The following EXOC4 variants were observed in gnomAD, a reference collection of about 807,000 sequenced individuals.
The protein encoded by EXOC4 is SEC8-like 1.
EXOC4 carries 71 observed loss-of-function variants against 107.2 expected under a neutral mutation model. That is an observed-to-expected ratio of 0.66 (90% confidence interval 0.55 to 0.81). EXOC4 has a LOEUF of 0.81. Among genes scored for constraint, EXOC4 ranks in the 30% least tolerant of loss-of-function variants. The probability of loss-of-function intolerance (pLI) is 0.00; values close to 1 mark genes in which losing one functional copy is unlikely to be tolerated. For missense variants in EXOC4, 1,108 were observed against 1,189.6 expected (o/e 0.93, Z 1.01); for synonymous variants, 456 against 441.2 (o/e 1.03, Z -0.42).
chr7:133,784,541 A>G (rs549859996), intron 10 of EXOC4, among the ~76,000 whole-genome samples: 32 of 152,306 alleles, frequency 2.1e-4, no homozygotes, highest in African/African-American at 7.0e-4. Context: ...GAGCTCCATC[A>G]GGGAGCTGAC....
intron 12 of EXOC4, among the ~76,000 whole-genome samples, chr7:133,904,293 C>T (rs564401697): frequency 4.4e-4 from 67 of 152,124 alleles, no homozygotes; most frequent in African/African-American, 1.3e-3. Context: ...AGGGAAGTAG[C>T]GGTGGAGGAG....
intron 17 of EXOC4, among the ~76,000 whole-genome samples, chr7:134,016,540 G>A (rs780668489): frequency 5.3e-5 from 8 of 152,164 alleles, no homozygotes; most frequent in Middle Eastern, 3.2e-3. Flanking sequence ...ATTTTCTCAC[G>A]TTAACTTCTC....
intron 17 of EXOC4, among the ~76,000 whole-genome samples, chr7:134,027,772 G>T (rs1795176654): frequency 6.6e-6 from 1 of 152,070 alleles, no homozygotes; most frequent in South Asian, 2.1e-4. Flanking sequence ...ATAGAGTCCT[G>T]GTTGGCTCAG....
chr7:133,531,570 G>A (rs1434048094), intron 9 of EXOC4, among the ~76,000 whole-genome samples: 1 of 152,058 alleles, frequency 6.6e-6, no homozygotes, highest in African/African-American at 2.4e-5. Flanking sequence ...CCACTTATTT[G>A]AGACCCAGGC....
chr7:133,395,578 T>A (rs148820278), intron 7 of EXOC4, among the ~76,000 whole-genome samples: 54 of 152,276 alleles, frequency 3.5e-4, no homozygotes, highest in African/African-American at 1.3e-3. Context: ...GTGATTGTTA[T>A]GAAAGTACTG....
intron 11 of EXOC4, among the ~76,000 whole-genome samples, chr7:133,823,937 T>TA (rs1491176697): frequency 3.0e-5 from 3 of 100,694 alleles, no homozygotes; most frequent in South Asian, 3.2e-4. Flanking sequence ...TATATATATA[T>TA]TATATATATA....
chr7:133,978,619 T>A (rs1793898348), intron 14 of EXOC4, among the ~76,000 whole-genome samples: 1 of 152,168 alleles, frequency 6.6e-6, no homozygotes, highest in Non-Finnish European at 1.5e-5. Flanking sequence ...AGACAGCCGT[T>A]GGAAGGATAC....
At chr7:133,539,349 C>T (rs993503447) in intron 9 of EXOC4, among the ~76,000 whole-genome samples, 2 of 151,990 alleles carry the variant, frequency 1.3e-5, no homozygotes, top group East Asian at 1.9e-4. Flanking sequence ...ACAAAAATGG[C>T]CGTCTCTCCT....
intron 7 of EXOC4, among the ~76,000 whole-genome samples, chr7:133,459,900 T>C (rs2150822591): frequency 6.6e-6 from 1 of 152,328 alleles, no homozygotes; most frequent in African/African-American, 2.4e-5. Context: ...TCTTTGAAAT[T>C]TTTATGAGTA....
intron 10 of EXOC4, among the ~76,000 whole-genome samples, chr7:133,671,044 A>T (rs1320395651): frequency 1.3e-5 from 2 of 152,174 alleles, no homozygotes; most frequent in Admixed American, 1.3e-4. Flanking sequence ...GATACCTGGG[A>T]GAGACGCATT....
At chr7:133,345,681 C>G (rs1584835209) in intron 5 of EXOC4, among the ~76,000 whole-genome samples, 2 of 152,150 alleles carry the variant, frequency 1.3e-5, no homozygotes, top group Admixed American at 1.3e-4. Flanking sequence ...CCCCTTATAG[C>G]AGACCTACCA....
chr7:133,727,688 T>C (rs1795243961), intron 10 of EXOC4: 1 of 152,634 alleles, frequency 6.6e-6, no homozygotes, highest in Non-Finnish European at 1.5e-5. Flanking sequence ...CCACTGGGAC[T>C]GCGGGCCTGC....
chr7:133,431,592 G>T (rs1441525213), intron 7 of EXOC4, among the ~76,000 whole-genome samples: 1 of 152,122 alleles, frequency 6.6e-6, no homozygotes, highest in Non-Finnish European at 1.5e-5. Flanking sequence ...CATTTTATCA[G>T]CCTTTCCTCC....
In EXOC4 at chr7:133,464,811, GTTTTTTT is replaced by G. The variant is rs3046149; in HGVS notation, c.1183-10498_1183-10492del. 9.7e-5 allele frequency among the ~76,000 whole-genome samples: 5 copies of G among 51,300 alleles called. No homozygotes were observed. In the South Asian group the frequency reaches 2.8e-3, roughly 28 times the overall value. The allele number at this position is 51,300 out of a possible 152,430, so 33.7% of individuals were successfully genotyped here. A position where few individuals can be genotyped will look rare whatever the true frequency, so the allele number is the denominator to read the frequency against. On this transcript the variant is annotated intron_variant, in intron 7 of 17. Transcript: ENST00000253861. The stretch of plus-strand genomic sequence containing the variant: ...TTTTTTTTTTTTGTTGGTTGGGTTG[GTTTTTTT>G]TTTTTTTTTTTTTTTTTTGGAGTTA...
intron 7 of EXOC4, among the ~76,000 whole-genome samples, chr7:133,455,655 A>G (rs949253176): frequency 1.3e-5 from 2 of 152,224 alleles, no homozygotes; most frequent in Non-Finnish European, 2.9e-5. Flanking sequence ...GGATGAACCA[A>G]TATCATGGAT....
the EXOC4 span, among the ~76,000 whole-genome samples, chr7:134,075,131 G>A: frequency 6.6e-6 from 1 of 152,218 alleles, no homozygotes; most frequent in Non-Finnish European, 1.5e-5. Flanking sequence ...CATTTTGGAT[G>A]TTCTTGACTT....
intron 9 of EXOC4, among the ~76,000 whole-genome samples, chr7:133,517,027 C>T (rs941960589): frequency 1.3e-5 from 2 of 151,768 alleles, no homozygotes; most frequent in East Asian, 3.9e-4. Flanking sequence ...ATAAGTATGC[C>T]ATAACCATAA....
At chr7:133,263,870 G>A (rs1793646623) in intron 1 of EXOC4, among the ~76,000 whole-genome samples, 1 of 152,014 alleles carries the variant, frequency 6.6e-6, no homozygotes, top group South Asian at 2.1e-4. Context: ...CTCTCCCCTA[G>A]ACACTTTAAC....
At chr7:133,899,205 G>A (rs1799394295) in intron 12 of EXOC4, among the ~76,000 whole-genome samples, 1 of 152,004 alleles carries the variant, frequency 6.6e-6, no homozygotes, top group Admixed American at 6.5e-5. Flanking sequence ...TTATAGTGGA[G>A]ATGTTGCGTA....
Sources: allele counts gnomAD v4.1 joint callset (sites outside exome capture counted in the v4.1 genomes callset), GRCh38; gene constraint gnomAD v4.1.1; transcripts MANE v1.5; gene names NCBI Gene and HGNC (gene_info 2026-07-23, HGNC 2026-07-21).